FBXO32: variants seen among roughly 807,000 people sequenced by gnomAD.
FBXO32 encodes F-box protein 32.
In FBXO32, 15 loss-of-function variants were observed where a neutral mutation model predicts 48.3. The ratio of observed to expected loss-of-function variants is 0.31; its 90% CI spans 0.21 to 0.48. The LOEUF (loss-of-function observed/expected upper bound fraction) is 0.48, where lower values mean the gene tolerates loss of function less well. FBXO32 is among the 20% of genes least tolerant of loss of function. The probability of loss-of-function intolerance (pLI) is 0.99; values close to 1 mark genes in which losing one functional copy is unlikely to be tolerated. For synonymous variants in FBXO32, 154 were observed against 165.9 expected, an observed-to-expected ratio of 0.93 and a Z score of 0.55; for missense variants, 309 against 432.7, an observed-to-expected ratio of 0.71 and a Z score of 2.54.
intron 8 of FBXO32, 76 bp downstream of exon 8, chr8:123,504,528 T>C: frequency 8.0e-7 from 1 of 1,248,430 alleles, no homozygotes; most frequent in Non-Finnish European, 1.0e-6. Context: ...GGCGCTGGCC[T>C]CACCATGCTG....
At chr8:123,509,177 T>C (rs1816688983) in intron 6 of FBXO32, among the ~76,000 whole-genome samples, 1 of 152,216 alleles carries the variant, frequency 6.6e-6, no homozygotes, top group African/African-American at 2.4e-5. Context: ...GAATTAGATA[T>C]AAAAATTTTG....
At chr8:123,533,570 G>A (rs985896919) in intron 2 of FBXO32, among the ~76,000 whole-genome samples, 4 of 152,200 alleles carry the variant, frequency 2.6e-5, no homozygotes, top group Non-Finnish European at 5.9e-5. Context: ...CACTGTGGGA[G>A]GTTGAGGCAG....
intron 3 of FBXO32, 66 bp from the exon 4 acceptor site, chr8:123,532,056 G>A (rs952285077): frequency 1.9e-6 from 3 of 1,602,312 alleles, no homozygotes; most frequent in African/African-American, 2.7e-5. Flanking sequence ...GTAAGAATGA[G>A]CCAGTTAGAA....
chr8:123,515,298 C>T (rs776597209), intron 4 of FBXO32, among the ~76,000 whole-genome samples: 13 of 152,122 alleles, frequency 8.5e-5, no homozygotes, highest in Non-Finnish European at 8.8e-5. Flanking sequence ...TGCAATGGTG[C>T]AATCTCAGCT....
At position 123,504,715 on chromosome 8, in the gene FBXO32, C is replaced by T. The variant is rs764833815; in HGVS notation, c.867G>A (p.Gly289=). 5 of 1,613,872 alleles carry T rather than the reference C, an allele frequency of 3.1e-6. No homozygotes were observed. Among genetic ancestry groups the T allele is most frequent in the Admixed American group, 3.3e-5 (2 of 59,976 alleles). The stretch of plus-strand genomic sequence containing the variant: ...AATACATCTTCTTCCAATCCAGCTG[C>T]CCTTTGTCTGACAGAATTAATCGTT... ...IRKRLILSDK[G]QLDWKKMYFK... The change falls in exon 8 of 9, where the codon GGG becomes GGA. Residue 289 remains glycine (G), a synonymous_variant. Coordinates refer to ENST00000517956, the MANE Select transcript of FBXO32 (RefSeq NM_058229.4).
At position 123,501,847 on chromosome 8, in the gene FBXO32, A is replaced by T. The variant is rs915277430; in HGVS notation, c.*1526T>A. 3.9e-5 allele frequency: 6 copies of T among 152,224 alleles called. No individual in the cohort carries two copies. Among genetic ancestry groups the T allele is most frequent in the East Asian group, 1.9e-4 (1 of 5,202 alleles). 9.4% of individuals were successfully genotyped at this position (152,224 alleles called of 1,614,324 possible). A position where few individuals can be genotyped will look rare whatever the true frequency, so the allele number is the denominator to read the frequency against. ...AGGGTGACAAGTTTATTTGGAAAAA[A>T]AAAAAGCATATACAACTGCAAATAT... is the stretch of plus-strand genomic sequence containing the variant. On this transcript the variant is annotated 3_prime_UTR_variant, in exon 9 of 9. Coordinates refer to ENST00000517956, the MANE Select transcript of FBXO32 (RefSeq NM_058229.4).
At position 123,512,174 on chromosome 8, in the gene FBXO32, G is replaced by C. The variant is rs984080317; in HGVS notation, c.651+1024C>G. ...CTGTGTGTGTGTCTGTGGGTGCAGC[G>C]TGTAGGTGTTGTAGCCTAAGTGGCT... is the stretch of plus-strand genomic sequence containing the variant. On this transcript the variant is annotated intron_variant, in intron 6 of 8. Coordinates refer to ENST00000517956, the MANE Select transcript of FBXO32 (RefSeq NM_058229.4). Among the ~76,000 whole-genome samples the C allele has an allele frequency of 3.3e-5, 5 of 152,200 alleles. No homozygotes were observed. The South Asian group carries it at 8.3e-4, about 25-fold the overall frequency.
chr8:123,541,195 T>C lies in FBXO32; in HGVS notation c.-181A>G. The C allele has an allele frequency of 2.7e-6, 1 of 366,194 alleles. No individual in the cohort carries two copies. The highest frequency in any genetic ancestry group is 1.2e-4 in the South Asian group (1 of 8,324). 22.7% of individuals were successfully genotyped at this position (366,194 alleles called of 1,614,324 possible). ...GGAGAGGATCTCAAGCGTTGCAGGCTCCGGGAGTGCTGCGCGGCAGTAGCT... is the reference window on the plus strand; with the variant it reads ...GGAGAGGATCTCAAGCGTTGCAGGCCCCGGGAGTGCTGCGCGGCAGTAGCT... On this transcript the variant is annotated 5_prime_UTR_variant, in exon 1 of 9. Coordinates refer to ENST00000517956, the MANE Select transcript of FBXO32 (RefSeq NM_058229.4).
At chr8:123,535,852 G>A (rs981028404) in intron 1 of FBXO32, among the ~76,000 whole-genome samples, 3 of 139,876 alleles carry the variant, frequency 2.1e-5, no homozygotes, top group African/African-American at 5.4e-5. Flanking sequence ...CTATACCACC[G>A]ATATTTTATA....
chr8:123,527,740 C>A (rs1003636250), intron 4 of FBXO32, among the ~76,000 whole-genome samples: 3 of 152,108 alleles, frequency 2.0e-5, no homozygotes, highest in African/African-American at 4.8e-5. Context: ...ACTTTCACAC[C>A]CACTGCCTTT....
intron 4 of FBXO32, among the ~76,000 whole-genome samples, chr8:123,523,529 G>T (rs769613150): frequency 2.0e-5 from 3 of 152,208 alleles, no homozygotes; most frequent in African/African-American, 7.2e-5. Flanking sequence ...GGCAGAGGTT[G>T]CAGTGAGCCA....
intron 1 of FBXO32, among the ~76,000 whole-genome samples, chr8:123,537,800 T>C (rs1041217671): frequency 6.6e-6 from 1 of 152,244 alleles, no homozygotes; most frequent in African/African-American, 2.4e-5. Context: ...GTAAACTTCC[T>C]GCTTCCGGGT....
At chr8:123,527,929 G>C (rs1472973147) in intron 4 of FBXO32, among the ~76,000 whole-genome samples, 1 of 152,170 alleles carries the variant, frequency 6.6e-6, no homozygotes, top group Non-Finnish European at 1.5e-5. Flanking sequence ...CTAAATTCCT[G>C]ATGGACCACA....
chr8:123,517,789 A>G (rs1816869419), intron 4 of FBXO32, among the ~76,000 whole-genome samples: 1 of 152,206 alleles, frequency 6.6e-6, no homozygotes, highest in African/African-American at 2.4e-5. Context: ...TTGCTATGAG[A>G]ATTAAGTAAG....
At chr8:123,517,474 T>C (rs76224464) in intron 4 of FBXO32, among the ~76,000 whole-genome samples, 38,012 of 137,254 alleles carry the variant, frequency 0.28, 5,167 homozygotes, top group Admixed American at 0.36. Context: ...AAGTCCCCCC[T>C]ACCTTTTTTT....
At position 123,534,770 on chromosome 8, in the gene FBXO32, C is replaced by A. The variant is rs1340751088; in HGVS notation, c.161G>T (p.Ser54Ile). 1 of 1,613,734 alleles carries A rather than the reference C, an allele frequency of 6.2e-7. No individual in the cohort carries two copies. The highest frequency in any genetic ancestry group is 1.3e-5 in the African/African-American group (1 of 74,916). The change falls in exon 2 of 9, where the codon AGC (serine) becomes ATC (isoleucine). Residue 54 changes from serine (S) to isoleucine (I), a missense_variant. Coordinates refer to ENST00000517956, the MANE Select transcript of FBXO32 (RefSeq NM_058229.4). The stretch of plus-strand genomic sequence containing the variant: ...CTTGGCTGCAACATCATAGTTCAGG[C>A]TGTTGAAAAGATTCTCCTTATTGTA... The part of the protein sequence containing the change: ...EVYNKENLFN[S>I]LNYDVAAKKR...
Position 123,513,039 on chromosome 8 carries a change from A to T in FBXO32, c.651+159T>A, listed in dbSNP as rs1480875811. ...GTTTTTCTTCCCACTTCCCTTTATC[A>T]GGAGGTCCCCCAGCCCACCCTCAGC... On this transcript the variant is annotated intron_variant, in intron 6 of 8. Coordinates refer to ENST00000517956, the MANE Select transcript of FBXO32 (RefSeq NM_058229.4). The surrounding 1 kb of genome is among the most constrained non-coding windows in gnomAD (Gnocchi z 4.3). Among the ~76,000 whole-genome samples the T allele has an allele frequency of 6.6e-6, 1 of 152,122 alleles. No individual in the cohort carries two copies. Among genetic ancestry groups the T allele is most frequent in the Non-Finnish European group, 1.5e-5 (1 of 68,022 alleles).
intron 6 of FBXO32, among the ~76,000 whole-genome samples, chr8:123,507,372 T>G (rs1210688354): frequency 6.6e-6 from 1 of 151,952 alleles, no homozygotes; most frequent in Non-Finnish European, 1.5e-5. Flanking sequence ...AACAAATACC[T>G]GTGGAATGAA....
rs1188615424 is a variant in FBXO32, at chr8:123,540,836, C to T, written c.116+63G>A. On this transcript the variant is annotated intron_variant, in intron 1 of 8. Coordinates refer to ENST00000517956, the MANE Select transcript of FBXO32 (RefSeq NM_058229.4). This position sits in a 1 kb window ranked among gnomAD's most constrained non-coding sequence, Gnocchi z 6.4. ...GCCTGCCCCTCATTCGCCGTCCCTGCGCCCCCCAGACCAGCCCGGGTCAGT... is the reference window on the plus strand; with the variant it reads ...GCCTGCCCCTCATTCGCCGTCCCTGTGCCCCCCAGACCAGCCCGGGTCAGT... 6.5e-6 allele frequency: 9 copies of T among 1,386,336 alleles called. No individual in the cohort carries two copies. The highest frequency in any genetic ancestry group is 2.5e-5 in the East Asian group (1 of 40,088). 85.9% of individuals were successfully genotyped at this position (1,386,336 alleles called of 1,614,324 possible). A position where few individuals can be genotyped will look rare whatever the true frequency, so the allele number is the denominator to read the frequency against.
Sources: allele counts gnomAD v4.1 joint callset (sites outside exome capture counted in the v4.1 genomes callset), GRCh38; gene constraint gnomAD v4.1.1; non-coding constraint Gnocchi (gnomAD v3.1); transcripts MANE v1.5; gene names NCBI Gene and HGNC (gene_info 2026-07-23, HGNC 2026-07-21).